The following TMEM260 variants were observed in gnomAD, a reference collection of about 807,000 sequenced individuals.
TMEM260 encodes transmembrane protein 260.
A neutral mutation model predicts 88.9 loss-of-function variants in TMEM260; 82 were observed. That is an observed-to-expected ratio of 0.92 (90% CI 0.77 to 1.11). The LOEUF (loss-of-function observed/expected upper bound fraction) is 1.11, where lower values mean the gene tolerates loss of function less well. TMEM260 is among the 50% of genes least tolerant of loss of function. The pLI, the probability that TMEM260 is intolerant of heterozygous loss-of-function variation, is 0.00. For missense variants in TMEM260, 902 were observed against 853.4 expected, an observed-to-expected ratio of 1.06 and a Z score of -0.71; for synonymous variants, 314 against 309.3, an observed-to-expected ratio of 1.02 and a Z score of -0.16.
intron 15 of TMEM260, among the ~76,000 whole-genome samples, chr14:56,644,585 G>C (rs4442728): frequency 0.51 from 77,868 of 151,902 alleles, 20,488 homozygotes; most frequent in African/African-American, 0.64. Context: ...TCAGGACATA[G>C]GCATGGGCAA....
intron 11 of TMEM260, among the ~76,000 whole-genome samples, chr14:56,624,675 G>A (rs1031430768): frequency 6.6e-6 from 1 of 152,142 alleles, no homozygotes; most frequent in African/African-American, 2.4e-5. Flanking sequence ...CTCACAGTCT[G>A]GTGAGGAACA....
At chr14:56,621,079 C>T (rs1887887148) in intron 10 of TMEM260, among the ~76,000 whole-genome samples, 1 of 152,120 alleles carries the variant, frequency 6.6e-6, no homozygotes, top group African/African-American at 2.4e-5. Context: ...TCAACCTCTG[C>T]ATGCAAGAAA....
intron 5 of TMEM260, among the ~76,000 whole-genome samples, chr14:56,607,636 G>A (rs1189364989): frequency 6.6e-6 from 1 of 152,064 alleles, no homozygotes; most frequent in Non-Finnish European, 1.5e-5. Context: ...ATACACAGAT[G>A]TACATGTGTA....
rs2139591981 is a variant in TMEM260, at chr14:56,618,677, C to T, written c.1140C>T (p.Asn380=). Residue 380 remains asparagine, a synonymous_variant, in exon 10 of 16, where the codon AAC becomes AAT. Transcript: ENST00000261556. ...TGGCTGCAGTTGTGTCTGAGACTAA[C>T]CGAGTGCTGAATAGCAATGGGCTTC... ...IGLAAVVSET[N]RVLNSNGLQC... is the part of the protein sequence containing the mutation. 3 of 1,614,130 alleles carry T rather than the reference C, an allele frequency of 1.9e-6. No individual in the cohort carries two copies. Among genetic ancestry groups the T allele is most frequent in the Non-Finnish European group, 2.5e-6 (3 of 1,180,016 alleles).
intron 15 of TMEM260, among the ~76,000 whole-genome samples, chr14:56,638,613 G>A (rs1889311851): frequency 1.3e-5 from 2 of 151,972 alleles, no homozygotes; most frequent in South Asian, 2.1e-4. Context: ...ATAGTCTCCA[G>A]ATGTGTGACA....
chr14:56,646,783 G>C lies in TMEM260; in HGVS notation c.1870-460G>C, dbSNP rs377494381. 1.3e-3 allele frequency among the ~76,000 whole-genome samples: 196 copies of C among 151,636 alleles called. 9 individuals carry two copies. In the South Asian group the frequency reaches 0.034, roughly 26 times the overall value. On this transcript the variant is annotated intron_variant, in intron 15 of 15. Coordinates refer to ENST00000261556, the MANE Select transcript of TMEM260 (RefSeq NM_017799.4). ...GTTTTTAATGTAGAGAGAAATTTCT[G>C]TCAAAAATGTGGGACAAAAATTTAA... is the stretch of plus-strand genomic sequence containing the variant.
At chr14:56,654,786 CCT>C (rs1484245221), downstream of TMEM260, among the ~76,000 whole-genome samples, 2 of 116,870 alleles carry the variant, frequency 1.7e-5, no homozygotes, top group Non-Finnish European at 3.3e-5. Flanking sequence ...TGCACTCCAA[CCT>C]GGGCAACAAG....
intron 13 of TMEM260, 183 bp downstream of exon 13, chr14:56,633,354 AC>A: frequency 2.0e-6 from 1 of 498,600 alleles, no homozygotes; most frequent in Non-Finnish European, 3.5e-6. Context: ...TCTCCTACTT[AC>A]AGAACAATGG....
At chr14:56,660,317 G>A in the TMEM260 span, among the ~76,000 whole-genome samples, 4 of 152,338 alleles carry the variant, frequency 2.6e-5, no homozygotes, top group East Asian at 1.9e-4. Context: ...CTGTCAATAC[G>A]TGGGAGACTT....
At position 56,616,014 on chromosome 14, in the gene TMEM260, T is replaced by C. The variant is rs765476216; in HGVS notation, c.928T>C (p.Cys310Arg). Residue 310 changes from cysteine to arginine, a missense_variant, in exon 8 of 16, where the codon TGT becomes CGT. By Grantham distance (180) the Cys-to-Arg change is radical. Coordinates refer to ENST00000261556, the MANE Select transcript of TMEM260 (RefSeq NM_017799.4). The part of the protein sequence containing the change: ...IQALAVCANI[C>R]LATKDRQNPS... ...AGCCCTTGCAGTTTGTGCAAATATA[T>C]GTTTAGCAACAAAGTAAGTAATACA... 6.8e-6 allele frequency: 11 copies of C among 1,610,404 alleles called. No individual in the cohort carries two copies. The highest frequency in any genetic ancestry group is 9.3e-6 in the Non-Finnish European group (11 of 1,176,876).
intron 12 of TMEM260, 150 bp downstream of exon 12, chr14:56,625,680 C>A: frequency 1.6e-6 from 1 of 623,096 alleles, no homozygotes; most frequent in East Asian, 2.9e-5. Flanking sequence ...AATTGAATAT[C>A]TGTGCATAAA....
intron 9 of TMEM260, 89 bp from the exon 10 acceptor site, chr14:56,618,505 G>T: frequency 4.1e-6 from 5 of 1,205,934 alleles, no homozygotes; most frequent in Non-Finnish European, 5.9e-6. Context: ...ACAACTAGGT[G>T]CATGCAGCAT....
chr14:56,611,418 C>T (rs1399585891), intron 6 of TMEM260, among the ~76,000 whole-genome samples: 1 of 152,278 alleles, frequency 6.6e-6, no homozygotes, highest in Middle Eastern at 3.4e-3. Flanking sequence ...TTTAGACATA[C>T]AGCCAAAAAG....
At chr14:56,622,317 T>G (rs1439718883) in intron 11 of TMEM260, among the ~76,000 whole-genome samples, 1 of 113,306 alleles carries the variant, frequency 8.8e-6, no homozygotes, top group East Asian at 2.8e-4. Context: ...CACTCCAGCC[T>G]GGGCAACAGG....
At chr14:56,602,587 TTAAAA>T (rs1479601398) in intron 3 of TMEM260, among the ~76,000 whole-genome samples, 12 of 152,144 alleles carry the variant, frequency 7.9e-5, no homozygotes, top group African/African-American at 2.9e-4. Flanking sequence ...TAGGGAACTC[TTAAAA>T]TAATTAAGTG....
At chr14:56,658,116 C>A in the TMEM260 span, among the ~76,000 whole-genome samples, 1 of 152,176 alleles carries the variant, frequency 6.6e-6, no homozygotes, top group Non-Finnish European at 1.5e-5. Flanking sequence ...ATGTTGATCT[C>A]ATTCAGGCTC....
chr14:56,600,503 T>C (rs1886509623), intron 3 of TMEM260, among the ~76,000 whole-genome samples: 1 of 152,066 alleles, frequency 6.6e-6, no homozygotes, highest in Non-Finnish European at 1.5e-5. Flanking sequence ...ATAATCCAAT[T>C]TAAGAAATGA....
At chr14:56,620,915 T>G (rs965765168) in intron 10 of TMEM260, among the ~76,000 whole-genome samples, 2 of 152,182 alleles carry the variant, frequency 1.3e-5, no homozygotes, top group African/African-American at 4.8e-5. Context: ...ATGAAGTTAT[T>G]GGCAATAGCA....
At chr14:56,625,160 G>A (rs1333233670) in intron 11 of TMEM260, among the ~76,000 whole-genome samples, 1 of 152,142 alleles carries the variant, frequency 6.6e-6, no homozygotes, top group Non-Finnish European at 1.5e-5. Flanking sequence ...AGGTAAATTG[G>A]AAGAAGGTAC....
Sources: gnomAD v4.1 joint callset for allele counts (sites outside exome capture counted in the v4.1 genomes callset) on GRCh38, gnomAD v4.1.1 for gene constraint, MANE v1.5 for transcripts, NCBI Gene and HGNC (gene_info 2026-07-23, HGNC 2026-07-21) for gene names.